The following FSTL5 variants were observed in gnomAD, a reference collection of about 807,000 sequenced individuals.
FSTL5 encodes the protein follistatin-related protein 5.
A neutral mutation model predicts 89.1 loss-of-function variants in FSTL5; 62 were observed. The ratio of observed to expected loss-of-function variants is 0.70; its 90% CI spans 0.57 to 0.86. FSTL5 has a LOEUF of 0.86. Among genes scored for constraint, FSTL5 ranks in the 40% least tolerant of loss-of-function variants. The pLI is 0.00. For synonymous variants in FSTL5, 383 were observed against 346.2 expected (o/e 1.11, Z -1.18); for missense variants, 1,057 against 1,001.6 (o/e 1.06, Z -0.75).
At chr4:161,693,176 T>C (rs1202288539) in intron 6 of FSTL5, among the ~76,000 whole-genome samples, 1 of 152,200 alleles carries the variant, frequency 6.6e-6, no homozygotes, top group East Asian at 1.9e-4. Flanking sequence ...GTTCGTGGTG[T>C]ACAAACATGC....
chr4:161,655,170 G>A (rs1736472603), intron 7 of FSTL5, among the ~76,000 whole-genome samples: 1 of 152,024 alleles, frequency 6.6e-6, no homozygotes, highest in African/African-American at 2.4e-5. Flanking sequence ...TCAACCATAA[G>A]GGCATTAAAT....
Position 161,385,862 on chromosome 4 carries a change from AG to A in FSTL5, c.2428del (p.Leu810Ter). On this transcript the variant is annotated frameshift_variant, in exon 16 of 16. Transcript: ENST00000306100. LOFTEE classifies it high-confidence loss of function. ...IQDSGLFGQY[L>X]MTPSKDSLFI... ...GAGAGAGTCCTTGGAAGGTGTCATC[AG>A]GTATTGACCAAACAAGCCACTGTCC... 6.2e-7 allele frequency: 1 copy of A among 1,613,810 alleles called. No homozygotes were observed. The highest frequency in any genetic ancestry group is 8.5e-7 in the Non-Finnish European group (1 of 1,179,850).
At chr4:161,481,199 T>C (rs1313662615) in intron 12 of FSTL5, 30 bp from the exon 13 acceptor site, 2 of 1,569,852 alleles carry the variant, frequency 1.3e-6, no homozygotes, top group African/African-American at 2.7e-5. Flanking sequence ...AAATGAAATT[T>C]ATACCTTAAA....
intron 7 of FSTL5, among the ~76,000 whole-genome samples, chr4:161,638,865 A>G (rs1735834262): frequency 7.3e-6 from 1 of 136,940 alleles, no homozygotes; most frequent in Non-Finnish European, 1.6e-5. Context: ...GATAAATGTA[A>G]TCCAGCATAT....
intron 4 of FSTL5, among the ~76,000 whole-genome samples, chr4:161,796,638 T>C (rs1729640934): frequency 6.6e-6 from 1 of 151,722 alleles, no homozygotes; most frequent in Non-Finnish European, 1.5e-5. Flanking sequence ...TCCAGAAAGT[T>C]TTTTTCATTT....
At chr4:161,794,743 C>T (rs10004597) in intron 4 of FSTL5, among the ~76,000 whole-genome samples, 39 of 152,084 alleles carry the variant, frequency 2.6e-4, no homozygotes, top group African/African-American at 8.9e-4. Context: ...ATGGTAAGAC[C>T]CATTTATGAT....
chr4:161,866,788 A>G (rs1039088026), intron 4 of FSTL5, among the ~76,000 whole-genome samples: 1 of 151,948 alleles, frequency 6.6e-6, no homozygotes, highest in Non-Finnish European at 1.5e-5. Flanking sequence ...TCTAAAATAT[A>G]ATTGTTATTT....
intron 3 of FSTL5, among the ~76,000 whole-genome samples, chr4:161,926,829 A>G (rs754912905): frequency 4.6e-5 from 7 of 151,826 alleles, no homozygotes; most frequent in Non-Finnish European, 8.8e-5. Flanking sequence ...AGTACTTATC[A>G]TTATACACTT....
chr4:162,094,167 T>C (rs1730658818), intron 2 of FSTL5, among the ~76,000 whole-genome samples: 1 of 152,104 alleles, frequency 6.6e-6, no homozygotes, highest in Non-Finnish European at 1.5e-5. Context: ...GGGAGGCAGA[T>C]CACAAAGTCA....
At chr4:161,693,070 TTTTG>T (rs1222277911) in intron 6 of FSTL5, among the ~76,000 whole-genome samples, 1 of 152,092 alleles carries the variant, frequency 6.6e-6, no homozygotes, top group Non-Finnish European at 1.5e-5. Context: ...GTGACACAAT[TTTTG>T]TTTATTTGTT....
intron 4 of FSTL5, among the ~76,000 whole-genome samples, chr4:161,823,449 G>A (rs1192030534): frequency 6.6e-6 from 1 of 152,204 alleles, no homozygotes; most frequent in Non-Finnish European, 1.5e-5. Context: ...CCGAGTTCAT[G>A]TACACTCAAC....
intron 6 of FSTL5, among the ~76,000 whole-genome samples, chr4:161,717,932 G>A (rs1430352923): frequency 6.6e-6 from 1 of 152,036 alleles, no homozygotes; most frequent in Admixed American, 6.6e-5. Flanking sequence ...ACACAACTAG[G>A]TCTGGGAAAT....
intron 15 of FSTL5, among the ~76,000 whole-genome samples, chr4:161,440,556 G>A (rs1342542776): frequency 6.6e-6 from 1 of 152,154 alleles, no homozygotes; most frequent in Non-Finnish European, 1.5e-5. Context: ...CCAGAAGAAT[G>A]TGGTTCTGTT....
chr4:162,075,284 G>T (rs1729791178), intron 2 of FSTL5, among the ~76,000 whole-genome samples: 1 of 151,842 alleles, frequency 6.6e-6, no homozygotes, highest in South Asian at 2.1e-4. Context: ...TTCCTCAAGG[G>T]TTTGGATGTG....
At chr4:161,945,762 G>A (rs571286715) in intron 3 of FSTL5, among the ~76,000 whole-genome samples, 1 of 152,076 alleles carries the variant, frequency 6.6e-6, no homozygotes, top group Non-Finnish European at 1.5e-5. Flanking sequence ...AAAAAATAAA[G>A]AAGGAAGGAA....
At chr4:161,975,956 ATAC>A in intron 3 of FSTL5, among the ~76,000 whole-genome samples, 1 of 135,556 alleles carries the variant, frequency 7.4e-6, no homozygotes, top group Non-Finnish European at 1.5e-5. Flanking sequence ...TCTACTAAAA[ATAC>A]AAAAAAAAAT....
intron 10 of FSTL5, among the ~76,000 whole-genome samples, chr4:161,517,759 C>T (rs771374006): frequency 1.3e-4 from 19 of 150,144 alleles, no homozygotes; most frequent in Non-Finnish European, 2.4e-4. Flanking sequence ...TTCTCCTTTT[C>T]TGAAAGTTTC....
At chr4:162,008,981 A>T (rs1736687061) in intron 3 of FSTL5, among the ~76,000 whole-genome samples, 1 of 152,068 alleles carries the variant, frequency 6.6e-6, no homozygotes, top group Non-Finnish European at 1.5e-5. Flanking sequence ...AAATAAATAA[A>T]ATGGAAGAAG....
At chr4:161,692,396 T>C (rs1737972880) in intron 6 of FSTL5, among the ~76,000 whole-genome samples, 1 of 151,476 alleles carries the variant, frequency 6.6e-6, no homozygotes, top group African/African-American at 2.4e-5. Context: ...TAGTGTAATG[T>C]ATGACATTGA....
Sources: allele counts gnomAD v4.1 joint callset (sites outside exome capture counted in the v4.1 genomes callset), GRCh38; gene constraint gnomAD v4.1.1; transcripts MANE v1.5; gene names NCBI Gene and HGNC (gene_info 2026-07-23, HGNC 2026-07-21).